DACH2: variants seen among roughly 807,000 people sequenced by gnomAD.
The protein encoded by DACH2 is dachshund homolog 2.
Under a neutral mutation model 35.8 loss-of-function variants are expected in DACH2, and 17 were observed. The ratio of observed to expected loss-of-function variants is 0.48; its 90% CI spans 0.33 to 0.71. DACH2 has a LOEUF of 0.71. Among genes scored for constraint, DACH2 ranks in the 30% least tolerant of loss-of-function variants. DACH2 has a pLI of 0.02. For synonymous variants in DACH2, 195 were observed against 177.3 expected (o/e 1.10, Z -0.79); for missense variants, 469 against 472.7 (o/e 0.99, Z 0.07).
At position 86,220,768 on chromosome X, in the gene DACH2, T is replaced by C. The variant is rs62592842; in HGVS notation, c.488+71660T>C. Among the ~76,000 whole-genome samples the C allele has an allele frequency of 8.1e-3, 909 of 112,240 alleles. 8 individuals carry two copies. The highest frequency in any genetic ancestry group is 0.014 in the Admixed American group (147 of 10,578). On this transcript the variant is annotated intron_variant, in intron 1 of 11. Coordinates refer to ENST00000373125, the MANE Select transcript of DACH2 (RefSeq NM_053281.3). ...ATTATTGAATCATGTGGTAGTACTA[T>C]TTTTAATTTTTTGAAGAACCTCCAT...
At chrX:86,562,064 G>A (rs1874200365) in intron 3 of DACH2, among the ~76,000 whole-genome samples, 1 of 108,679 alleles carries the variant, frequency 9.2e-6, no homozygotes, top group African/African-American at 3.3e-5. Context: ...TATTCCAAAG[G>A]TAAAGCTTCC....
intron 2 of DACH2, among the ~76,000 whole-genome samples, chrX:86,403,280 A>G (rs1490058113): frequency 8.9e-6 from 1 of 111,957 alleles, no homozygotes; most frequent in Non-Finnish European, 1.9e-5. Flanking sequence ...TTCACAAACT[A>G]TGCATCTGTC....
chrX:86,248,901 C>T (rs770982507), intron 1 of DACH2, among the ~76,000 whole-genome samples: 3 of 109,971 alleles, frequency 2.7e-5, no homozygotes, highest in Admixed American at 9.7e-5. Context: ...CTTTATTGCA[C>T]ACCCATAACC....
chrX:86,501,322 G>A (rs1472014343), intron 2 of DACH2, among the ~76,000 whole-genome samples: 1 of 111,314 alleles, frequency 9.0e-6, no homozygotes, highest in Non-Finnish European at 1.9e-5. Context: ...AAATTTAAAG[G>A]AAGCTGTCAA....
At chrX:86,414,059 G>A (rs888585264) in intron 2 of DACH2, among the ~76,000 whole-genome samples, 1 of 111,274 alleles carries the variant, frequency 9.0e-6, no homozygotes, top group African/African-American at 3.3e-5. Context: ...AAGGTTCACT[G>A]CAAAAATTGT....
chrX:86,247,510 A>G (rs2033310531), intron 1 of DACH2, among the ~76,000 whole-genome samples: 2 of 111,941 alleles, frequency 1.8e-5, no homozygotes, highest in African/African-American at 6.5e-5. Flanking sequence ...CATACAAACT[A>G]GAAAACAATA....
rs371749041 is a variant in DACH2, at chrX:86,576,876, A to G, written c.640+62485A>G. 2.6e-4 allele frequency among the ~76,000 whole-genome samples: 29 copies of G among 110,640 alleles called. No individual in the cohort carries two copies. The East Asian group carries it at 2.9e-3, about 11-fold the overall frequency. ...CCTCTCTCACTTCCTCCCTTCCCAT[A>G]TAATCTCTGCACACACCAGCTGCCT... On this transcript the variant is annotated intron_variant, in intron 3 of 11. Transcript: ENST00000373125.
At chrX:86,748,882 C>T (rs191780085) in intron 7 of DACH2, among the ~76,000 whole-genome samples, 121 of 111,548 alleles carry the variant, frequency 1.1e-3, no homozygotes, top group Non-Finnish European at 2.0e-3. Flanking sequence ...AGTGTAGCCA[C>T]CTTCCTCAAT....
chrX:86,295,733 G>A (rs1237459461), intron 1 of DACH2, among the ~76,000 whole-genome samples: 1 of 111,173 alleles, frequency 9.0e-6, no homozygotes, highest in East Asian at 2.8e-4. Context: ...CAATTGCTAT[G>A]ATTTCTGTCT....
intron 1 of DACH2, among the ~76,000 whole-genome samples, chrX:86,216,671 A>C (rs898955495): frequency 1.8e-5 from 2 of 112,032 alleles, no homozygotes; most frequent in African/African-American, 6.5e-5. Flanking sequence ...TTGTGATGAG[A>C]GTTACTAGTT....
At chrX:86,349,294 G>A (rs779983161) in intron 1 of DACH2, among the ~76,000 whole-genome samples, 2 of 111,237 alleles carry the variant, frequency 1.8e-5, no homozygotes, top group African/African-American at 3.3e-5. Flanking sequence ...ATTTCGCCTC[G>A]CCGGTTGATG....
intron 2 of DACH2, among the ~76,000 whole-genome samples, chrX:86,502,821 T>G (rs924133561): frequency 8.9e-6 from 1 of 112,070 alleles, no homozygotes; most frequent in African/African-American, 3.2e-5. Flanking sequence ...GCTTCGAATG[T>G]GATCCAACAC....
intron 1 of DACH2, among the ~76,000 whole-genome samples, chrX:86,364,933 T>A (rs996974910): frequency 1.8e-5 from 2 of 110,846 alleles, no homozygotes; most frequent in Admixed American, 1.9e-4. Context: ...GTTACGGGAG[T>A]AACCTCTAGT....
At chrX:86,378,392 C>T (rs182949009) in intron 2 of DACH2, among the ~76,000 whole-genome samples, 1 of 109,875 alleles carries the variant, frequency 9.1e-6, no homozygotes, top group Admixed American at 9.8e-5. Flanking sequence ...AGGATGGTAA[C>T]GTAAATGAAA....
At chrX:86,604,175 T>C (rs1212980484) in intron 3 of DACH2, among the ~76,000 whole-genome samples, 1 of 111,513 alleles carries the variant, frequency 9.0e-6, no homozygotes, top group Non-Finnish European at 1.9e-5. Context: ...TTTAGTAATT[T>C]TGTATCATCA....
chrX:86,491,916 T>TA (rs2038099027), intron 2 of DACH2, among the ~76,000 whole-genome samples: 1 of 111,911 alleles, frequency 8.9e-6, no homozygotes, highest in Non-Finnish European at 1.9e-5. Context: ...TTTCTTTTCA[T>TA]AAAAATGATA....
chrX:86,247,862 T>C (rs781347570), intron 1 of DACH2, among the ~76,000 whole-genome samples: 9 of 111,268 alleles, frequency 8.1e-5, no homozygotes, highest in Non-Finnish European at 1.7e-4. Flanking sequence ...TAGGCTTTAT[T>C]CCCAGGATGC....
At chrX:86,614,998 G>C (rs1185985112) in intron 3 of DACH2, among the ~76,000 whole-genome samples, 6 of 111,515 alleles carry the variant, frequency 5.4e-5, no homozygotes, top group Non-Finnish European at 1.1e-4. Flanking sequence ...CCTTCTTTGT[G>C]AGGAAACAAA....
chrX:86,291,066 T>G (rs1302109994), intron 1 of DACH2, among the ~76,000 whole-genome samples: 21 of 101,989 alleles, frequency 2.1e-4, no homozygotes, highest in African/African-American at 6.2e-4. Flanking sequence ...GCATGGAATG[T>G]TCTTCCATTT....
Sources: allele counts gnomAD v4.1 joint callset (sites outside exome capture counted in the v4.1 genomes callset), GRCh38; gene constraint gnomAD v4.1.1; transcripts MANE v1.5; gene names NCBI Gene and HGNC (gene_info 2026-07-23, HGNC 2026-07-21).